HPSE2: variants seen among roughly 807,000 people sequenced by gnomAD.
HPSE2 encodes the protein heparanase 2 (inactive).
Under a neutral mutation model 60.5 loss-of-function variants are expected in HPSE2, and 38 were observed. The ratio of observed to expected loss-of-function variants is 0.63; its 90% confidence interval spans 0.48 to 0.82. The LOEUF (loss-of-function observed/expected upper bound fraction) is 0.82. Among genes scored for constraint, HPSE2 ranks in the 40% least tolerant of loss-of-function variants. The pLI is 0.00. For synonymous variants in HPSE2, 295 were observed against 293.2 expected (o/e 1.01, Z -0.06); for missense variants, 713 against 740.4 (o/e 0.96, Z 0.43).
the HPSE2 span, among the ~76,000 whole-genome samples, chr10:99,245,060 TCAGA>T: frequency 6.6e-6 from 1 of 152,258 alleles, no homozygotes; most frequent in Admixed American, 6.5e-5. Context: ...TTAATTTTGA[TCAGA>T]CACTTAAATT....
At chr10:98,603,487 T>C (rs1036375869) in intron 9 of HPSE2, among the ~76,000 whole-genome samples, 10 of 150,728 alleles carry the variant, frequency 6.6e-5, no homozygotes, top group Non-Finnish European at 1.3e-4. Flanking sequence ...TGGAGTACAG[T>C]GGCTTGATCT....
chr10:99,125,900 G>A (rs1845145345), intron 3 of HPSE2, among the ~76,000 whole-genome samples: 1 of 152,180 alleles, frequency 6.6e-6, no homozygotes, highest in Non-Finnish European at 1.5e-5. Context: ...GAATTAGGGA[G>A]GGGCTACAGG....
chr10:99,089,007 C>A (rs113531090), intron 3 of HPSE2, among the ~76,000 whole-genome samples: 1 of 152,102 alleles, frequency 6.6e-6, no homozygotes, highest in South Asian at 2.1e-4. Context: ...ATGTCCTTAG[C>A]CCACTTTTTA....
chr10:98,499,993 C>A (rs571948896), intron 9 of HPSE2, among the ~76,000 whole-genome samples: 2 of 152,246 alleles, frequency 1.3e-5, no homozygotes, highest in East Asian at 3.9e-4. Context: ...CATATATGCA[C>A]CTAACACTGG....
At chr10:99,206,809 A>G (rs1279197281) in intron 2 of HPSE2, among the ~76,000 whole-genome samples, 9 of 151,966 alleles carry the variant, frequency 5.9e-5, no homozygotes, top group Non-Finnish European at 1.2e-4. Flanking sequence ...AGAATTGATC[A>G]AGCAGAAGAT....
chr10:98,498,006 C>T (rs958627915), intron 9 of HPSE2, among the ~76,000 whole-genome samples: 11 of 152,170 alleles, frequency 7.2e-5, no homozygotes, highest in Non-Finnish European at 1.6e-4. Flanking sequence ...AGGGAGAGCA[C>T]TTTTGATCCG....
intron 3 of HPSE2, among the ~76,000 whole-genome samples, chr10:98,795,075 G>GGAAA (rs1487756906): frequency 1.5e-4 from 19 of 129,816 alleles, no homozygotes; most frequent in Admixed American, 3.9e-4. Context: ...AAAGAAGGAA[G>GGAAA]GAAGGAAAGA....
intron 3 of HPSE2, among the ~76,000 whole-genome samples, chr10:99,007,399 G>A (rs1279990266): frequency 6.6e-6 from 1 of 152,170 alleles, no homozygotes; most frequent in African/African-American, 2.4e-5. Flanking sequence ...GGAGTTGAAG[G>A]AGGAGAGATG....
chr10:98,954,842 A>G (rs893950432), intron 3 of HPSE2, among the ~76,000 whole-genome samples: 3 of 151,990 alleles, frequency 2.0e-5, no homozygotes, highest in African/African-American at 7.2e-5. Context: ...TAGTGAAACT[A>G]CCAATAACCC....
intron 4 of HPSE2, among the ~76,000 whole-genome samples, chr10:98,741,060 T>C (rs1287247391): frequency 6.6e-6 from 1 of 152,162 alleles, no homozygotes; most frequent in African/African-American, 2.4e-5. Context: ...AAAATGTAGC[T>C]TTAATAAATG....
At chr10:99,013,081 G>C (rs1286663551) in intron 3 of HPSE2, 1 of 604,820 alleles carries the variant, frequency 1.7e-6, no homozygotes, top group Non-Finnish European at 3.1e-6. Context: ...CAAAGTCTAT[G>C]AGAAGAGGTC....
chr10:98,602,403 C>G (rs1269742182), intron 9 of HPSE2, among the ~76,000 whole-genome samples: 1 of 152,180 alleles, frequency 6.6e-6, no homozygotes, highest in Non-Finnish European at 1.5e-5. Flanking sequence ...ATTGGAAATT[C>G]ATTTGATTGA....
At chr10:98,771,478 T>C (rs1232234974) in intron 3 of HPSE2, among the ~76,000 whole-genome samples, 2 of 152,144 alleles carry the variant, frequency 1.3e-5, no homozygotes, top group East Asian at 3.9e-4. Flanking sequence ...AAGGCAACAG[T>C]TGATCCCTTT....
At chr10:98,522,937 C>T (rs906787235) in intron 9 of HPSE2, among the ~76,000 whole-genome samples, 1 of 152,154 alleles carries the variant, frequency 6.6e-6, no homozygotes, top group African/African-American at 2.4e-5. Flanking sequence ...CTGGATCATT[C>T]CCAAGAGAAA....
chr10:99,178,221 C>T (rs1365699890), intron 2 of HPSE2, among the ~76,000 whole-genome samples: 4 of 150,824 alleles, frequency 2.7e-5, no homozygotes, highest in African/African-American at 9.7e-5. Flanking sequence ...AGAGAAACAA[C>T]AGCAAACAAA....
At chr10:98,536,013 C>T (rs1191070156) in intron 9 of HPSE2, among the ~76,000 whole-genome samples, 1 of 152,188 alleles carries the variant, frequency 6.6e-6, no homozygotes. Context: ...TCTTCTCCCT[C>T]ATTAACCTCA....
chr10:98,459,858 G>T (rs979299941), intron 11 of HPSE2, 119 bp from the exon 12 acceptor site: 1 of 959,244 alleles, frequency 1.0e-6, no homozygotes, highest in Non-Finnish European at 1.6e-6. Context: ...GACACTTATT[G>T]TTACTGGCTA....
intron 6 of HPSE2, among the ~76,000 whole-genome samples, chr10:98,642,304 C>G (rs1946659787): frequency 6.6e-6 from 1 of 152,098 alleles, no homozygotes; most frequent in Non-Finnish European, 1.5e-5. Context: ...ACTAATCCCA[C>G]CTTAAAGTAA....
Position 98,596,149 on chromosome 10 carries a change from G to A in HPSE2, c.1320+18755C>T, listed in dbSNP as rs118089859. Among the ~76,000 whole-genome samples, 88 of 152,082 alleles carry A rather than the reference G, an allele frequency of 5.8e-4. No individual in the cohort carries two copies. The East Asian group carries it at 0.014, about 24-fold the overall frequency. Reference sequence around the variant, plus strand: ...TGCATCTATATGCATCAGGAATATTGGCCTATATTTTCCTTTCCCTTTTAG... The same window carrying A: ...TGCATCTATATGCATCAGGAATATTAGCCTATATTTTCCTTTCCCTTTTAG... On this transcript the variant is annotated intron_variant, in intron 9 of 11. Transcript: ENST00000370552.
Sources: gnomAD v4.1 joint callset for allele counts (sites outside exome capture counted in the v4.1 genomes callset) on GRCh38, gnomAD v4.1.1 for gene constraint, MANE v1.5 for transcripts, NCBI Gene and HGNC (gene_info 2026-07-23, HGNC 2026-07-21) for gene names.